BDP1: variants seen among roughly 807,000 people sequenced by gnomAD.
BDP1 encodes transcription factor TFIIIB component B'' homolog.
Under a neutral mutation model 266.6 loss-of-function variants are expected in BDP1, and 169 were observed. That is an observed-to-expected ratio of 0.63 (90% CI 0.56 to 0.72). BDP1 has a LOEUF of 0.72. Ranked by LOEUF, BDP1 falls within the 30% of genes least tolerant of loss-of-function variation. The pLI, the probability that BDP1 is intolerant of heterozygous loss-of-function variation, is 0.00. For synonymous variants in BDP1, 1,090 were observed against 1,022.4 expected (o/e 1.07, Z -1.26); for missense variants, 3,015 against 3,053.8 (o/e 0.99, Z 0.30).
intron 15 of BDP1, among the ~76,000 whole-genome samples, chr5:71,503,677 G>A (rs931573201): frequency 3.3e-5 from 5 of 152,100 alleles, no homozygotes; most frequent in African/African-American, 1.2e-4. Flanking sequence ...TAATTCCCAT[G>A]GTCTCTAGGC....
In BDP1 at chr5:71,457,307, GTTTT is replaced by G. The variant is rs780891505; in HGVS notation, c.212+1232_212+1235del. On this transcript the variant is annotated intron_variant, in intron 1 of 38. Coordinates refer to ENST00000358731, the MANE Select transcript of BDP1 (RefSeq NM_018429.3). ...TGCCATTACTGACTCTGGGAAAGTG[GTTTT>G]TTTTTTTTTTTTTAATTAGTTTTTT... 2.4e-5 allele frequency among the ~76,000 whole-genome samples: 3 copies of G among 126,056 alleles called. No individual in the cohort carries two copies. The Admixed American group carries it at 2.4e-4, about 10-fold the overall frequency. The allele number at this position is 126,056 out of a possible 152,430, so 82.7% of individuals were successfully genotyped here. A position where few individuals can be genotyped will look rare whatever the true frequency, so the allele number is the denominator to read the frequency against.
chr5:71,466,338 T>A, intron 5 of BDP1, 117 bp downstream of exon 5: 1 of 1,075,498 alleles, frequency 9.3e-7, no homozygotes, highest in Non-Finnish European at 1.3e-6. Flanking sequence ...GACGTTCTTA[T>A]TTGCATAATG....
chr5:71,470,508 A>G lies in BDP1; in HGVS notation c.1014+19A>G, dbSNP rs1234527780. 2 of 1,488,264 alleles carry G rather than the reference A, an allele frequency of 1.3e-6. No homozygotes were observed. Among genetic ancestry groups the G allele is most frequent in the Non-Finnish European group, 1.9e-6 (2 of 1,072,982 alleles). 92.2% of individuals were successfully genotyped at this position (1,488,264 alleles called of 1,614,324 possible). A position where few individuals can be genotyped will look rare whatever the true frequency, so the allele number is the denominator to read the frequency against. ...AATTAAGGTAAAGTAAACCCATCAC[A>G]TTTGTTGATTGGAAAGAGACCAAAC... On this transcript the variant is annotated intron_variant, in intron 7 of 38. Transcript: ENST00000358731.
intron 4 of BDP1, among the ~76,000 whole-genome samples, 153 bp from the exon 5 acceptor site, chr5:71,465,943 G>C (rs1317311934): frequency 2.0e-5 from 3 of 152,046 alleles, no homozygotes; most frequent in Admixed American, 1.3e-4. Flanking sequence ...TCCTCTAATT[G>C]CGTCCTTAAT....
At chr5:71,479,736 C>T (rs558432980) in intron 7 of BDP1, among the ~76,000 whole-genome samples, 11 of 151,268 alleles carry the variant, frequency 7.3e-5, no homozygotes, top group East Asian at 2.0e-4. Context: ...TTAGTAGAGA[C>T]GGGGTTTCAC....
chr5:71,528,423 G>A lies in BDP1; in HGVS notation c.5773-3885G>A, dbSNP rs796738919. On this transcript the variant is annotated intron_variant, in intron 25 of 38. Coordinates refer to ENST00000358731, the MANE Select transcript of BDP1 (RefSeq NM_018429.3). ...TCAGTCACTTCTTTGGCTTACTGAG[G>A]AGCATATCTGAGTCAGTTTTGTGTA... 4.5e-4 allele frequency among the ~76,000 whole-genome samples: 69 copies of A among 152,266 alleles called. 1 individual carries two copies. Among genetic ancestry groups the A allele is most frequent in the African/African-American group, 1.6e-3 (68 of 41,540 alleles).
intron 1 of BDP1, among the ~76,000 whole-genome samples, chr5:71,458,140 T>C (rs182169257): frequency 2.6e-5 from 4 of 152,320 alleles, no homozygotes; most frequent in Admixed American, 2.6e-4. Context: ...TGACCTCGGG[T>C]TGATAAGTAA....
chr5:71,537,149 C>CAAAAAAAAAAAAAAAAAA (rs70992979), intron 26 of BDP1, among the ~76,000 whole-genome samples: 47 of 82,390 alleles, frequency 5.7e-4, no homozygotes, highest in African/African-American at 6.8e-4. Flanking sequence ...ACCAAAAAAC[C>CAAAAAAAAAAAAAAAAAA]AAAAAAAAAA....
intron 19 of BDP1, among the ~76,000 whole-genome samples, chr5:71,513,630 A>G (rs1765060800): frequency 6.6e-6 from 1 of 152,156 alleles, no homozygotes; most frequent in Non-Finnish European, 1.5e-5. Flanking sequence ...GAAAGCGTTC[A>G]GGTCTGGGCT....
chr5:71,537,455 G>A (rs1293134910), intron 26 of BDP1, among the ~76,000 whole-genome samples: 1 of 152,168 alleles, frequency 6.6e-6, no homozygotes, highest in African/African-American at 2.4e-5. Context: ...TAAAAAACTT[G>A]CATTTGTGAA....
At position 71,467,062 on chromosome 5, in the gene BDP1, C is replaced by G. The variant is rs6452721; in HGVS notation, c.786-292C>G. 0.98 allele frequency among the ~76,000 whole-genome samples: 148,584 copies of G among 152,326 alleles called. 72,485 individuals are homozygous for G. Among genetic ancestry groups the G allele is most frequent in the East Asian group, 1 (5,194 of 5,194 alleles). On this transcript the variant is annotated intron_variant, in intron 5 of 38. Transcript: ENST00000358731. ...ACATATTGAATATCAAAGACATGTG[C>G]AAGTCAATAATACAAATACCGTTTT...
chr5:71,503,122 G>A (rs998059111), intron 15 of BDP1, among the ~76,000 whole-genome samples: 1 of 151,228 alleles, frequency 6.6e-6, no homozygotes, highest in Non-Finnish European at 1.5e-5. Flanking sequence ...TTAGTTGTGC[G>A]ACTGCAGGCT....
At chr5:71,551,885 A>G (rs1341740229) in intron 34 of BDP1, among the ~76,000 whole-genome samples, 3 of 134,540 alleles carry the variant, frequency 2.2e-5, no homozygotes, top group East Asian at 2.5e-4. Flanking sequence ...CGGACGGGGC[A>G]GCTGGCCAGG....
At chr5:71,465,163 A>C (rs556488439) in intron 4 of BDP1, among the ~76,000 whole-genome samples, 1 of 152,190 alleles carries the variant, frequency 6.6e-6, no homozygotes, top group African/African-American at 2.4e-5. Context: ...GAGCTGCTGC[A>C]TTTGGCCATT....
intron 28 of BDP1, 119 bp downstream of exon 28, chr5:71,539,768 C>T: frequency 1.6e-6 from 1 of 625,342 alleles, no homozygotes; most frequent in Non-Finnish European, 2.7e-6. Context: ...TTTTGTTGTT[C>T]TTCCATAAAA....
At chr5:71,540,279 CTTAT>C (rs36192652) in intron 28 of BDP1, among the ~76,000 whole-genome samples, 67,071 of 151,394 alleles carry the variant, frequency 0.44, 15,192 homozygotes, top group South Asian at 0.55. Flanking sequence ...ATTTTATTTA[CTTAT>C]TTATTTATTT....
rs533631324 is a variant in BDP1 at position 71,483,653 on chromosome 5, G to T, written c.1015-189G>T. Among the ~76,000 whole-genome samples, 30 of 152,312 alleles carry T rather than the reference G, an allele frequency of 2.0e-4. 1 individual carries two copies. The South Asian group carries it at 6.2e-3, about 32-fold the overall frequency. ...TGCTATTGGTAATGAGAATCAAGAA[G>T]CTCAGTAAAAATCTTTCATCCTTAT... On this transcript the variant is annotated intron_variant, in intron 7 of 38. Coordinates refer to ENST00000358731, the MANE Select transcript of BDP1 (RefSeq NM_018429.3).
chr5:71,525,762 G>A (rs1446196447), intron 25 of BDP1, among the ~76,000 whole-genome samples: 1 of 151,990 alleles, frequency 6.6e-6, no homozygotes, highest in South Asian at 2.1e-4. Flanking sequence ...CCCGGACGGG[G>A]TGGCTGTTGG....
the BDP1 span, among the ~76,000 whole-genome samples, chr5:71,577,686 T>A: frequency 6.6e-6 from 1 of 151,978 alleles, no homozygotes; most frequent in Non-Finnish European, 1.5e-5. Flanking sequence ...ATTCCAGAGT[T>A]TCAGCCTTCT....
Sources: allele counts gnomAD v4.1 joint callset (sites outside exome capture counted in the v4.1 genomes callset), GRCh38; gene constraint gnomAD v4.1.1; transcripts MANE v1.5; gene names NCBI Gene and HGNC (gene_info 2026-07-23, HGNC 2026-07-21).